The following SNX6 variants were observed in gnomAD, a reference collection of about 807,000 sequenced individuals.
SNX6 encodes the protein sorting nexin 6.
SNX6 carries 34 observed loss-of-function variants against 63.0 expected under a neutral mutation model. The observed-to-expected ratio is 0.54, with a 90% CI of 0.41 to 0.72. SNX6 has a LOEUF of 0.72. Among genes scored for constraint, SNX6 ranks in the 30% least tolerant of loss-of-function variants. The pLI is 0.00. For synonymous variants in SNX6, 170 were observed against 164.2 expected (o/e 1.04, Z -0.27); for missense variants, 398 against 471.4 (o/e 0.84, Z 1.44).
At chr14:34,573,003 A>G (rs1486535341) in intron 11 of SNX6, among the ~76,000 whole-genome samples, 3 of 152,000 alleles carry the variant, frequency 2.0e-5, no homozygotes, top group African/African-American at 7.2e-5. Context: ...TTTTTAAAAG[A>G]CAAGGTCTTA....
intron 6 of SNX6, among the ~76,000 whole-genome samples, chr14:34,598,336 T>A (rs17524152): frequency 0.38 from 57,242 of 152,016 alleles, 12,600 homozygotes; most frequent in East Asian, 0.74. Context: ...GACTCACAGA[T>A]CTCTATCACT....
chr14:34,603,550 A>G, intron 5 of SNX6, 79 bp from the exon 6 acceptor site: 1 of 1,244,048 alleles, frequency 8.0e-7, no homozygotes, highest in Non-Finnish European at 1.1e-6. Context: ...TTCAGAAAAT[A>G]CTCTTTGGAT....
chr14:34,568,027 T>G lies in SNX6; in HGVS notation c.922-14A>C. On this transcript the variant is annotated splice_polypyrimidine_tract_variant and intron_variant, in intron 11 of 13. Transcript: ENST00000362031. ...ATACAGGAGATCCTATAAAACAGAATGCTTCACAATAGTATATATACTGCA... is the reference window on the plus strand; with the variant it reads ...ATACAGGAGATCCTATAAAACAGAAGGCTTCACAATAGTATATATACTGCA... 6.2e-7 allele frequency: 1 copy of G among 1,607,810 alleles called. No individual in the cohort carries two copies. Among genetic ancestry groups the G allele is most frequent in the Non-Finnish European group, 8.5e-7 (1 of 1,178,160 alleles).
chr14:34,608,325 C>A (rs908417821), intron 3 of SNX6, among the ~76,000 whole-genome samples, 185 bp from the exon 4 acceptor site: 5 of 152,080 alleles, frequency 3.3e-5, no homozygotes, highest in African/African-American at 1.2e-4. Flanking sequence ...TACACCACAC[C>A]TGGCTAATTT....
At chr14:34,590,708 A>G (rs916723911) in intron 8 of SNX6, among the ~76,000 whole-genome samples, 2 of 152,212 alleles carry the variant, frequency 1.3e-5, no homozygotes, top group African/African-American at 4.8e-5. Flanking sequence ...AGTTTCTTAA[A>G]AAGTTAAATA....
intron 13 of SNX6, among the ~76,000 whole-genome samples, chr14:34,565,024 T>A (rs1881107511): frequency 6.6e-6 from 1 of 151,730 alleles, no homozygotes; most frequent in Non-Finnish European, 1.5e-5. Context: ...AAATTTTACT[T>A]ACGGATACTT....
chr14:34,590,807 G>A (rs1882362117), intron 8 of SNX6, among the ~76,000 whole-genome samples: 2 of 152,140 alleles, frequency 1.3e-5, no homozygotes, highest in Admixed American at 1.3e-4. Context: ...TATAGAAATG[G>A]CTCACATAAA....
intron 2 of SNX6, among the ~76,000 whole-genome samples, chr14:34,616,510 C>G (rs528242514): frequency 1.3e-5 from 2 of 152,090 alleles, no homozygotes; most frequent in African/African-American, 2.4e-5. Flanking sequence ...GCTGGGACTA[C>G]AGGCACACAT....
intron 8 of SNX6, among the ~76,000 whole-genome samples, chr14:34,590,230 C>T (rs1882339262): frequency 6.6e-6 from 1 of 151,974 alleles, no homozygotes; most frequent in Admixed American, 6.6e-5. Flanking sequence ...AGATTGAAAC[C>T]ATCCTGGCTA....
intron 8 of SNX6, among the ~76,000 whole-genome samples, chr14:34,592,039 A>T (rs758536169): frequency 6.6e-6 from 1 of 152,208 alleles, no homozygotes; most frequent in Admixed American, 6.6e-5. Flanking sequence ...TAGAGATTAC[A>T]ATCAATTTTT....
chr14:34,622,312 G>A (rs1046383244), intron 2 of SNX6, among the ~76,000 whole-genome samples: 1 of 150,572 alleles, frequency 6.6e-6, no homozygotes. Context: ...CGGGCACGGT[G>A]GCTCATGCAT....
chr14:34,578,129 A>C (rs1022474285), intron 10 of SNX6, among the ~76,000 whole-genome samples: 1 of 151,896 alleles, frequency 6.6e-6, no homozygotes, highest in African/African-American at 2.4e-5. Context: ...ACTTGAGCCC[A>C]GGAGGCAAAG....
Position 34,574,935 on chromosome 14 carries a change from A to G in SNX6, c.921+821T>C, listed in dbSNP as rs561974333. Among the ~76,000 whole-genome samples the G allele has an allele frequency of 2.6e-5, 4 of 152,084 alleles. No individual in the cohort carries two copies. The East Asian group carries it at 7.7e-4, about 29-fold the overall frequency. ...AGACAGAGTTTCACTCTTGTTGCCC[A>G]GGCTGCAGTGCAATGGCGTGATATC... On this transcript the variant is annotated intron_variant, in intron 11 of 13. Transcript: ENST00000362031.
intron 11 of SNX6, chr14:34,568,927 C>T (rs936397085): frequency 4.6e-6 from 6 of 1,313,942 alleles, no homozygotes; most frequent in Non-Finnish European, 3.3e-6. Context: ...AGCGCCACCC[C>T]AGAGGTACAG....
Position 34,608,136 on chromosome 14 carries a change from G to A in SNX6, c.164C>T (p.Ser55Leu). The change falls in exon 4 of 14, where the codon TCA (serine) becomes TTA (leucine). Residue 55 changes from serine (S) to leucine (L), a missense_variant. Coordinates refer to ENST00000362031, the MANE Select transcript of SNX6 (RefSeq NM_152233.4). ...CTCGTTTTGTTTAAAATTTGGCAAT[G>A]AACTCTGTAAAGATAGAGATTTTCT... The part of the protein sequence containing the change: ...KVKFTVHTKS[S>L]LPNFKQNEFS... The A allele has an allele frequency of 6.4e-7, 1 of 1,568,294 alleles. No individual in the cohort carries two copies. The highest frequency in any genetic ancestry group is 2.2e-5 in the East Asian group (1 of 44,490).
At chr14:34,623,194 A>G (rs982741974) in intron 2 of SNX6, among the ~76,000 whole-genome samples, 7 of 152,206 alleles carry the variant, frequency 4.6e-5, no homozygotes, top group Non-Finnish European at 8.8e-5. Flanking sequence ...TTTAAGCTAA[A>G]AAGTGTGCAG....
At chr14:34,626,668 C>CAAAAAA (rs56118978) in intron 2 of SNX6, among the ~76,000 whole-genome samples, 83,638 of 125,080 alleles carry the variant, frequency 0.67, 28,425 homozygotes, top group East Asian at 0.88. Context: ...GACTCCATTT[C>CAAAAAA]AAAAAAAAAA....
intron 4 of SNX6, among the ~76,000 whole-genome samples, chr14:34,607,452 CA>C (rs1400104807): frequency 6.6e-6 from 1 of 151,098 alleles, no homozygotes; most frequent in Non-Finnish European, 1.5e-5. Flanking sequence ...ACTTAAAAAA[CA>C]AAAAAAATTA....
chr14:34,620,067 C>T (rs1356543335), intron 2 of SNX6, among the ~76,000 whole-genome samples: 1 of 152,074 alleles, frequency 6.6e-6, no homozygotes. Context: ...AGAGAAAAGT[C>T]ACCATTGTTT....
Sources: allele counts gnomAD v4.1 joint callset (sites outside exome capture counted in the v4.1 genomes callset), GRCh38; gene constraint gnomAD v4.1.1; transcripts MANE v1.5; gene names NCBI Gene and HGNC (gene_info 2026-07-23, HGNC 2026-07-21).